The following CBLN1 variants were observed in gnomAD, a reference collection of about 807,000 sequenced individuals.
CBLN1 encodes cerebellin-1.
Under a neutral mutation model 15.9 loss-of-function variants are expected in CBLN1, and 5 were observed. The ratio of observed to expected loss-of-function variants is 0.31; its 90% CI spans 0.16 to 0.66. The LOEUF is 0.66. CBLN1 is among the 30% of genes least tolerant of loss of function. CBLN1 has a pLI of 0.75. For missense variants in CBLN1, 164 were observed against 253.7 expected (o/e 0.65, Z 2.40); for synonymous variants, 90 against 107.6 (o/e 0.84, Z 1.01).
In CBLN1 at chr16:49,279,307, A is replaced by G. The variant is rs140474617; in HGVS notation, c.*97T>C. On this transcript the variant is annotated 3_prime_UTR_variant, in exon 3 of 3. Coordinates refer to ENST00000219197, the MANE Select transcript of CBLN1 (RefSeq NM_004352.4). ...AGTTAGAGAACATGTAGGAAGTTTC[A>G]AGTCGTGCTGCTTTCTCGCCCTCTT... The G allele has an allele frequency of 3.0e-4, 339 of 1,142,774 alleles. 2 individuals are homozygous for G. In the East Asian group the frequency reaches 8.0e-3, roughly 27 times the overall value. The allele number at this position is 1,142,774 out of a possible 1,614,324, so 70.8% of individuals were successfully genotyped here. A position where few individuals can be genotyped will look rare whatever the true frequency, so the allele number is the denominator to read the frequency against.
At chr16:49,279,910 C>T (rs1421965565) in intron 2 of CBLN1, among the ~76,000 whole-genome samples, 1 of 152,152 alleles carries the variant, frequency 6.6e-6, no homozygotes, top group African/African-American at 2.4e-5. Context: ...ATTTAATAAA[C>T]CCATGAGGTG....
At position 49,279,259 on chromosome 16, in the gene CBLN1, C is replaced by G; in HGVS notation, c.*145G>C. 1 of 711,598 alleles carries G rather than the reference C, an allele frequency of 1.4e-6. No homozygotes were observed. Among genetic ancestry groups the G allele is most frequent in the South Asian group, 1.9e-5 (1 of 53,484 alleles). The allele number at this position is 711,598 out of a possible 1,614,324, so 44.1% of individuals were successfully genotyped here. ...ATGGACAAAGTTGTCCCACAGCTGG[C>G]GCGCACCTTTTTACCCAGATACAGT... On this transcript the variant is annotated 3_prime_UTR_variant, in exon 3 of 3. Transcript: ENST00000219197.
At position 49,281,497 on chromosome 16, in the gene CBLN1, C is replaced by A. The variant is rs1963297132; in HGVS notation, c.-32G>T. 2 of 1,331,572 alleles carry A rather than the reference C, an allele frequency of 1.5e-6. No homozygotes were observed. The highest frequency in any genetic ancestry group is 3.2e-5 in the African/African-American group (2 of 63,348). 82.5% of individuals were successfully genotyped at this position (1,331,572 alleles called of 1,614,324 possible). A position where few individuals can be genotyped will look rare whatever the true frequency, so the allele number is the denominator to read the frequency against. On this transcript the variant is annotated 5_prime_UTR_variant, in exon 1 of 3. Coordinates refer to ENST00000219197, the MANE Select transcript of CBLN1 (RefSeq NM_004352.4). ...GCCGGCGCCCACCCCGCCCCCCACC[C>A]CCAGGGCTGCTCGCGCCAGCCGCCC...
chr16:49,279,111 G>T lies in CBLN1; in HGVS notation c.*293C>A. ...AATTGCAGGGAACATGAAGTTGGGG[G>T]ATAAGAAACAATGACAAGGCAGTCT... On this transcript the variant is annotated 3_prime_UTR_variant, in exon 3 of 3. Transcript: ENST00000219197. The T allele has an allele frequency of 6.7e-6, 3 of 445,142 alleles. No homozygotes were observed. Among genetic ancestry groups the T allele is most frequent in the African/African-American group, 2.0e-5 (1 of 50,114 alleles). 27.6% of individuals were successfully genotyped at this position (445,142 alleles called of 1,614,324 possible).
chr16:49,281,303 C>A lies in CBLN1; in HGVS notation c.163G>T (p.Val55Leu), dbSNP rs767054721. Residue 55 changes from valine (V) to leucine (L), a missense_variant, in exon 1 of 3, where the codon GTG (valine) becomes TTG (leucine). By Grantham distance (32) the Val-to-Leu change is conservative. Around this residue, in one of 3 missense-constraint regions of CBLN1, gnomAD observed 127 missense variants for 179.7 expected, o/e 0.71. Coordinates refer to ENST00000219197, the MANE Select transcript of CBLN1 (RefSeq NM_004352.4). The part of the protein sequence containing the change: ...DPTGTALGIS[V>L]RSGSAKVAFS... Reference sequence around the variant, plus strand: ...GCCACCTTGGCGCTGCCAGAGCGCACAGAGATGCCCAGGGCAGTGCCCGTG... The same window carrying A: ...GCCACCTTGGCGCTGCCAGAGCGCAAAGAGATGCCCAGGGCAGTGCCCGTG... The A allele has an allele frequency of 6.8e-6, 11 of 1,613,610 alleles. No individual in the cohort carries two copies. The highest frequency in any genetic ancestry group is 1.3e-5 in the African/African-American group (1 of 74,962).
chr16:49,280,888 A>C (rs1567333716), intron 2 of CBLN1, 35 bp downstream of exon 2: 2 of 1,613,614 alleles, frequency 1.2e-6, no homozygotes, highest in Non-Finnish European at 1.7e-6. Flanking sequence ...TAACCCCCCT[A>C]CGGGGCCAGG....
rs1298088097 is a variant in CBLN1 at position 49,279,379 on chromosome 16, T to C, written c.*25A>G. ...CCCCTTCCTGCCTTCGCCCTCTCCC[T>C]GCCTCCCTTCCGGCTACGAGCCAGT... is the stretch of plus-strand genomic sequence containing the variant. On this transcript the variant is annotated 3_prime_UTR_variant, in exon 3 of 3. Coordinates refer to ENST00000219197, the MANE Select transcript of CBLN1 (RefSeq NM_004352.4). The C allele has an allele frequency of 1.9e-6, 3 of 1,611,412 alleles. No individual in the cohort carries two copies. Among genetic ancestry groups the C allele is most frequent in the South Asian group, 1.1e-5 (1 of 91,000 alleles).
rs1337417022 is a variant in CBLN1, at chr16:49,278,030, A to G, written c.*1374T>C. 1 of 152,204 alleles carries G rather than the reference A, an allele frequency of 6.6e-6. No homozygotes were observed. Among genetic ancestry groups the G allele is most frequent in the Non-Finnish European group, 1.5e-5 (1 of 68,034 alleles). The allele number at this position is 152,204 out of a possible 1,614,324, so 9.4% of individuals were successfully genotyped here. ...TAAAGTCCTGTGAATGAGCGGAATC[A>G]TAGGTCCTGGGCGCCCGAGTATGCG... On this transcript the variant is annotated 3_prime_UTR_variant, in exon 3 of 3. Coordinates refer to ENST00000219197, the MANE Select transcript of CBLN1 (RefSeq NM_004352.4).
At chr16:49,280,446 T>C (rs1212644406) in intron 2 of CBLN1, among the ~76,000 whole-genome samples, 1 of 152,104 alleles carries the variant, frequency 6.6e-6, no homozygotes, top group Non-Finnish European at 1.5e-5. Flanking sequence ...AAACCCACAG[T>C]CCGCACGGGG....
In CBLN1 at chr16:49,279,450, C is replaced by T; in HGVS notation, c.536G>A (p.Gly179Asp). ...LKLERGNLMG[G>D]WKYSTFSGFL... Reference sequence around the variant, plus strand: ...TCCGGAGAAGGTCGAGTACTTCCAGCCCCCCATCAAGTTTCCCCGCTCCAG... The same window carrying T: ...TCCGGAGAAGGTCGAGTACTTCCAGTCCCCCATCAAGTTTCCCCGCTCCAG... Residue 179 changes from glycine (G) to aspartate (D), a missense_variant, in exon 3 of 3, where the codon GGC (glycine) becomes GAC (aspartate). Physicochemically the swap from Gly to Asp is moderately conservative, Grantham distance 94 (BLOSUM62 -1). Coordinates refer to ENST00000219197, the MANE Select transcript of CBLN1 (RefSeq NM_004352.4). 6.2e-7 allele frequency: 1 copy of T among 1,614,156 alleles called. No individual in the cohort carries two copies. Among genetic ancestry groups the T allele is most frequent in the Non-Finnish European group, 8.5e-7 (1 of 1,180,026 alleles).
chr16:49,279,691 G>T, intron 2 of CBLN1, 90 bp from the exon 3 acceptor site: 1 of 993,124 alleles, frequency 1.0e-6, no homozygotes, highest in Non-Finnish European at 1.5e-6. Context: ...TTGGCTAACA[G>T]CCTGTAAGGC....
Position 49,279,686 on chromosome 16 carries a change from T to C in CBLN1, c.385-85A>G, listed in dbSNP as rs557148064. 26 of 962,190 alleles carry C rather than the reference T, an allele frequency of 2.7e-5. No homozygotes were observed. The East Asian group carries it at 9.8e-4, about 36-fold the overall frequency. 59.6% of individuals were successfully genotyped at this position (962,190 alleles called of 1,614,324 possible). A position where few individuals can be genotyped will look rare whatever the true frequency, so the allele number is the denominator to read the frequency against. On this transcript the variant is annotated intron_variant, in intron 2 of 2. Transcript: ENST00000219197. ...GGAGCGAACCTCCTCCTTGCTTGGC[T>C]AACAGCCTGTAAGGCCTGGAAGCAC...
rs1963214530 is a variant in CBLN1, at chr16:49,277,932, G to A, written c.*1472C>T. ...TGGGTCAGCCTTTCAGACTTAAAAC[G>A]AAGTCGTTTATTTCATTTTTGCTTT... On this transcript the variant is annotated 3_prime_UTR_variant, in exon 3 of 3. Transcript: ENST00000219197. The A allele has an allele frequency of 1.3e-5, 2 of 152,212 alleles. No homozygotes were observed. Among genetic ancestry groups the A allele is most frequent in the Non-Finnish European group, 2.9e-5 (2 of 68,050 alleles). 9.4% of individuals were successfully genotyped at this position (152,212 alleles called of 1,614,324 possible). A position where few individuals can be genotyped will look rare whatever the true frequency, so the allele number is the denominator to read the frequency against.
In CBLN1 at chr16:49,278,911, AC is replaced by A. The variant is rs1963227341; in HGVS notation, c.*492del. The A allele has an allele frequency of 6.4e-6, 1 of 155,130 alleles. No homozygotes were observed. Among genetic ancestry groups the A allele is most frequent in the African/African-American group, 2.4e-5 (1 of 41,438 alleles). The allele number at this position is 155,130 out of a possible 1,614,324, so 9.6% of individuals were successfully genotyped here. On this transcript the variant is annotated 3_prime_UTR_variant, in exon 3 of 3. Coordinates refer to ENST00000219197, the MANE Select transcript of CBLN1 (RefSeq NM_004352.4). ...GAGCAACACTTGCCAAATTAAAACT[AC>A]CTTCCCCATCCAAAACAAAACAACA...
chr16:49,279,487 C>T lies in CBLN1; in HGVS notation c.499G>A (p.Ala167Thr). ...VLIQMEKGDRAYLKLERGNLM... is the reference protein window; with the variant it reads ...VLIQMEKGDRTYLKLERGNLM... Reference sequence around the variant, plus strand: ...TTTCCCCGCTCCAGCTTGAGGTATGCTCGGTCGCCTTTCTCCATTTGGATT... The same window carrying T: ...TTTCCCCGCTCCAGCTTGAGGTATGTTCGGTCGCCTTTCTCCATTTGGATT... The change falls in exon 3 of 3, where the codon GCA (alanine) becomes ACA (threonine). Residue 167 changes from alanine to threonine, a missense_variant. This residue lies in a region of CBLN1 where 29 missense variants were observed against 38.0 expected (regional missense o/e 0.76). Coordinates refer to ENST00000219197, the MANE Select transcript of CBLN1 (RefSeq NM_004352.4). The T allele has an allele frequency of 6.2e-7, 1 of 1,614,198 alleles. No individual in the cohort carries two copies. Among genetic ancestry groups the T allele is most frequent in the South Asian group, 1.1e-5 (1 of 91,086 alleles).
At position 49,277,937 on chromosome 16, in the gene CBLN1, C is replaced by T. The variant is rs974415924; in HGVS notation, c.*1467G>A. On this transcript the variant is annotated 3_prime_UTR_variant, in exon 3 of 3. Transcript: ENST00000219197. ...CAGCCTTTCAGACTTAAAACGAAGT[C>T]GTTTATTTCATTTTTGCTTTCACAT... 2 of 152,230 alleles carry T rather than the reference C, an allele frequency of 1.3e-5. No individual in the cohort carries two copies. Among genetic ancestry groups the T allele is most frequent in the African/African-American group, 4.8e-5 (2 of 41,454 alleles). 9.4% of individuals were successfully genotyped at this position (152,230 alleles called of 1,614,324 possible).
rs1235745348 is a variant in CBLN1, at chr16:49,281,199, C to G, written c.264+3G>C. On this transcript the variant is annotated splice_donor_region_variant and intron_variant, in intron 1 of 2. Transcript: ENST00000219197. Reference sequence around the variant, plus strand: ...GCACGCCGCGGGAGGAAGGAACACTCACCTGGTCGAAGTAGATGATCATGG... The same window carrying G: ...GCACGCCGCGGGAGGAAGGAACACTGACCTGGTCGAAGTAGATGATCATGG... 2.5e-6 allele frequency: 4 copies of G among 1,614,070 alleles called. No individual in the cohort carries two copies. In the African/African-American group the frequency reaches 5.3e-5, roughly 22 times the overall value.
At chr16:49,281,088 G>C (rs375715211) in intron 1 of CBLN1, 46 bp from the exon 2 acceptor site, 86 of 1,614,044 alleles carry the variant, frequency 5.3e-5, no homozygotes, top group Non-Finnish European at 7.1e-5. Flanking sequence ...AATCGGTCCC[G>C]GACTGTCGTC....
Position 49,281,240 on chromosome 16 carries a change from C to A in CBLN1, c.226G>T (p.Glu76Ter), listed in dbSNP as rs1434523022. The A allele has an allele frequency of 1.2e-6, 2 of 1,614,120 alleles. No homozygotes were observed. The highest frequency in any genetic ancestry group is 1.7e-6 in the Non-Finnish European group (2 of 1,180,046). Residue 76 changes from glutamate to a stop codon, truncating the protein, a stop_gained, in exon 1 of 3, where the codon GAG becomes TAG. Coordinates refer to ENST00000219197, the MANE Select transcript of CBLN1 (RefSeq NM_004352.4). LOFTEE classifies it high-confidence loss of function. ...AIRSTNHEPSEMSNRTMIIYF... is the reference protein window; with the variant it reads ...AIRSTNHEPS ...ATGATCATGGTGCGATTACTCATCT[C>A]GGACGGCTCGTGGTTGGTGCTCCTG...
Sources: gnomAD v4.1 joint callset for allele counts (sites outside exome capture counted in the v4.1 genomes callset) on GRCh38, gnomAD v4.1.1 for gene constraint, gnomAD v4.1.1 regional missense constraint, MANE v1.5 for transcripts, NCBI Gene and HGNC (gene_info 2026-07-23, HGNC 2026-07-21) for gene names.